RIOK3: variants seen among roughly 807,000 people sequenced by gnomAD.
RIOK3 encodes the protein RIO kinase 3, also known as serine/threonine-protein kinase RIO3.
RIOK3 carries 40 observed loss-of-function variants against 63.5 expected under a neutral mutation model. The observed-to-expected ratio is 0.63, with a 90% CI of 0.49 to 0.82. The LOEUF (loss-of-function observed/expected upper bound fraction) is 0.82. RIOK3 is among the 40% of genes least tolerant of loss of function. RIOK3 has a pLI of 0.00. For missense variants in RIOK3, 557 were observed against 637.0 expected, an observed-to-expected ratio of 0.87 and a Z score of 1.35; for synonymous variants, 193 against 205.0, an observed-to-expected ratio of 0.94 and a Z score of 0.50.
At chr18:23,463,487 A>G (rs1027813617) in intron 2 of RIOK3, among the ~76,000 whole-genome samples, 1 of 146,238 alleles carries the variant, frequency 6.8e-6, no homozygotes, top group African/African-American at 2.5e-5. Context: ...TCGGCTCGGC[A>G]CAACCTCCGT....
At chr18:23,477,812 G>A (rs2057503017) in intron 11 of RIOK3, among the ~76,000 whole-genome samples, 1 of 151,334 alleles carries the variant, frequency 6.6e-6, no homozygotes, top group South Asian at 2.1e-4. Flanking sequence ...GTTCATGCCT[G>A]TAATCCCAGC....
intron 7 of RIOK3, 118 bp downstream of exon 7, chr18:23,467,644 G>A: frequency 1.0e-6 from 1 of 986,144 alleles, no homozygotes; most frequent in Non-Finnish European, 1.5e-6. Flanking sequence ...TTTTTAAAGT[G>A]TTATTGTAGA....
intron 7 of RIOK3, among the ~76,000 whole-genome samples, chr18:23,470,178 C>CA (rs900629403): frequency 6.6e-6 from 1 of 152,086 alleles, no homozygotes; most frequent in African/African-American, 2.4e-5. Context: ...TCCTGGTTAA[C>CA]ACGGTGAAAC....
At chr18:23,476,796 G>A (rs894046399) in intron 9 of RIOK3, among the ~76,000 whole-genome samples, 1 of 151,978 alleles carries the variant, frequency 6.6e-6, no homozygotes, top group Admixed American at 6.6e-5. Context: ...CCTGTAGTCC[G>A]AGCTACTTGG....
At chr18:23,461,629 A>G (rs1475481908) in intron 1 of RIOK3, among the ~76,000 whole-genome samples, 1 of 152,264 alleles carries the variant, frequency 6.6e-6, no homozygotes, top group Non-Finnish European at 1.5e-5. Context: ...TAAGTAAAGC[A>G]TCTTGCTCCC....
rs2057539109 is a variant in RIOK3 at position 23,482,127 on chromosome 18, TATATTTC to T, written c.*850_*856del. 1 of 152,256 alleles carries T rather than the reference TATATTTC, an allele frequency of 6.6e-6. No individual in the cohort carries two copies. The highest frequency in any genetic ancestry group is 2.4e-5 in the African/African-American group (1 of 41,472). 9.4% of individuals were successfully genotyped at this position (152,256 alleles called of 1,614,324 possible). ...TTAGTTAATGAAGCAAAATTCAGTT[TATATTTC>T]ACTAGAACTGTGTACTTGATTGATT... On this transcript the variant is annotated 3_prime_UTR_variant, in exon 13 of 13. Coordinates refer to ENST00000339486, the MANE Select transcript of RIOK3 (RefSeq NM_003831.5).
chr18:23,470,691 G>C (rs1400907315), intron 7 of RIOK3, among the ~76,000 whole-genome samples: 1 of 152,208 alleles, frequency 6.6e-6, no homozygotes, highest in Non-Finnish European at 1.5e-5. Flanking sequence ...CTTAGAGGTA[G>C]TAGGTAGTAA....
At chr18:23,479,774 G>T (rs140736027) in intron 12 of RIOK3, among the ~76,000 whole-genome samples, 1 of 152,018 alleles carries the variant, frequency 6.6e-6, no homozygotes, top group South Asian at 2.1e-4. Context: ...ACAGGGTTTC[G>T]CCATGTTGGC....
intron 7 of RIOK3, among the ~76,000 whole-genome samples, chr18:23,468,662 C>T (rs185128560): frequency 5.3e-5 from 8 of 152,292 alleles, no homozygotes; most frequent in Admixed American, 4.6e-4. Context: ...GAATTGGTAT[C>T]ATAATCTGTA....
chr18:23,459,779 T>A (rs2057362782), intron 1 of RIOK3, among the ~76,000 whole-genome samples: 1 of 152,124 alleles, frequency 6.6e-6, no homozygotes. Flanking sequence ...CAAGCGATTC[T>A]TCTGCCTCAG....
At chr18:23,462,647 T>C (rs2057379561) in intron 1 of RIOK3, among the ~76,000 whole-genome samples, 1 of 152,196 alleles carries the variant, frequency 6.6e-6, no homozygotes, top group Admixed American at 6.5e-5. Flanking sequence ...TGAGCAAGGA[T>C]TGGAATAAGA....
chr18:23,455,969 T>C (rs2057338139), intron 1 of RIOK3, among the ~76,000 whole-genome samples: 1 of 152,170 alleles, frequency 6.6e-6, no homozygotes, highest in African/African-American at 2.4e-5. Context: ...AGCTAATTTT[T>C]ATATTTTTAG....
intron 11 of RIOK3, among the ~76,000 whole-genome samples, chr18:23,478,212 T>C (rs1489417555): frequency 1.3e-5 from 2 of 152,124 alleles, no homozygotes; most frequent in Non-Finnish European, 2.9e-5. Context: ...ATTATTACCA[T>C]TAAAAGAGGG....
Position 23,464,607 on chromosome 18 carries a change from G to A in RIOK3, c.522G>A (p.Lys174=). 3.8e-6 allele frequency: 6 copies of A among 1,591,514 alleles called. No individual in the cohort carries two copies. Among genetic ancestry groups the A allele is most frequent in the Non-Finnish European group, 5.1e-6 (6 of 1,170,102 alleles). The part of the protein sequence containing the change: ...TKHDEVVCGR[K]NTARMENFAP... ...ATGATGAAGTAGTATGTGGGAGAAA[G>A]AACACAGCAAGAATGGAAAATGTAA... Residue 174 remains lysine, a synonymous_variant, in exon 5 of 13, where the codon AAG becomes AAA. Transcript: ENST00000339486.
intron 1 of RIOK3, among the ~76,000 whole-genome samples, chr18:23,459,849 A>T (rs896731100): frequency 1.3e-5 from 2 of 152,060 alleles, no homozygotes; most frequent in African/African-American, 4.8e-5. Flanking sequence ...AAATTAGTAT[A>T]AAAAATACTA....
At chr18:23,455,246 A>G (rs921033093) in intron 1 of RIOK3, among the ~76,000 whole-genome samples, 20 of 148,820 alleles carry the variant, frequency 1.3e-4, no homozygotes, top group Admixed American at 1.3e-3. Flanking sequence ...TGATTTTCGT[A>G]TTTTTTTTTG....
chr18:23,480,204 T>C (rs933032850), intron 12 of RIOK3, among the ~76,000 whole-genome samples: 7 of 152,208 alleles, frequency 4.6e-5, no homozygotes, highest in Non-Finnish European at 1.0e-4. Flanking sequence ...TAGCAGTTAA[T>C]TATTCCCAAC....
intron 4 of RIOK3, 47 bp from the exon 5 acceptor site, chr18:23,464,472 T>G: frequency 7.7e-7 from 1 of 1,291,400 alleles, no homozygotes; most frequent in East Asian, 2.3e-5. Context: ...TGCAGCAATG[T>G]AGTCTTTGCT....
In RIOK3 at chr18:23,467,508, T is replaced by C. The variant is rs781387004; in HGVS notation, c.797T>C (p.Phe266Ser). The C allele has an allele frequency of 6.2e-6, 10 of 1,613,364 alleles. No homozygotes were observed. The South Asian group carries it at 9.9e-5, about 16-fold the overall frequency. ...CISTGKESVV[F>S]HAYGGSMEDE... ...AGTACAGGAAAGGAGTCTGTTGTCT[T>C]TCATGCATATGGAGGGAGGTAAATG... Residue 266 changes from phenylalanine to serine, a missense_variant, in exon 7 of 13, where the codon TTT (phenylalanine) becomes TCT (serine). Physicochemically the swap from Phe to Ser is radical, Grantham distance 155. Around this residue, in one of 3 missense-constraint regions of RIOK3, gnomAD observed 309 missense variants for 338.7 expected, o/e 0.91. Transcript: ENST00000339486.
Sources: allele counts gnomAD v4.1 joint callset (sites outside exome capture counted in the v4.1 genomes callset), GRCh38; gene constraint gnomAD v4.1.1; regional missense constraint gnomAD v4.1.1; transcripts MANE v1.5; gene names NCBI Gene and HGNC (gene_info 2026-07-23, HGNC 2026-07-21).